The following DGLUCY variants were observed in gnomAD, a reference collection of about 807,000 sequenced individuals.
The protein encoded by DGLUCY is D-glutamate cyclase, mitochondrial.
Under a neutral mutation model 58.5 loss-of-function variants are expected in DGLUCY, and 58 were observed. The observed-to-expected ratio is 0.99, with a 90% confidence interval of 0.80 to 1.23. The LOEUF (loss-of-function observed/expected upper bound fraction) is 1.23. Among genes scored for constraint, DGLUCY ranks in the 50% most tolerant of loss-of-function variants. DGLUCY has a pLI of 0.00. For synonymous variants in DGLUCY, 325 were observed against 314.1 expected, an observed-to-expected ratio of 1.03 and a Z score of -0.37; for missense variants, 779 against 784.7, an observed-to-expected ratio of 0.99 and a Z score of 0.09.
intron 13 of DGLUCY, among the ~76,000 whole-genome samples, chr14:91,222,680 A>G (rs1887692942): frequency 6.6e-6 from 1 of 152,226 alleles, no homozygotes. Context: ...ATTACTTAGA[A>G]AAAGTTAGTG....
intron 1 of DGLUCY, among the ~76,000 whole-genome samples, chr14:91,154,088 T>C (rs1412890322): frequency 6.6e-6 from 1 of 152,136 alleles, no homozygotes; most frequent in Non-Finnish European, 1.5e-5. Context: ...GTATATTTAG[T>C]AAAGACAGGA....
chr14:91,150,160 A>G (rs1273651261), intron 1 of DGLUCY, among the ~76,000 whole-genome samples: 1 of 137,718 alleles, frequency 7.3e-6, no homozygotes, highest in African/African-American at 2.7e-5. Flanking sequence ...TGGAAGTTGC[A>G]GTGAGTGGAG....
chr14:91,195,949 C>A (rs1337178130), intron 9 of DGLUCY, among the ~76,000 whole-genome samples: 1 of 152,146 alleles, frequency 6.6e-6, no homozygotes. Context: ...GAATTACAGG[C>A]ATGAGGCACC....
intron 1 of DGLUCY, among the ~76,000 whole-genome samples, chr14:91,131,281 G>A (rs1308700555): frequency 1.3e-5 from 2 of 152,074 alleles, no homozygotes; most frequent in African/African-American, 2.4e-5. Context: ...TTGCAGTTTG[G>A]GAATGCTTTT....
Position 91,136,095 on chromosome 14 carries a change from C to T in DGLUCY, c.-81-21544C>T, listed in dbSNP as rs918234888. Among the ~76,000 whole-genome samples the T allele has an allele frequency of 8.6e-5, 13 of 151,648 alleles. No individual in the cohort carries two copies. In the East Asian group the frequency reaches 1.2e-3, roughly 14 times the overall value. On this transcript the variant is annotated intron_variant, in intron 1 of 13. Transcript: ENST00000256324. ...GACTACAGGGGCCCGCCACTATGCC[C>T]GGCTAATTTTTGTATTTTTAGTAGA... is the stretch of plus-strand genomic sequence containing the variant.
At chr14:91,182,768 G>A (rs773948260) in intron 8 of DGLUCY, among the ~76,000 whole-genome samples, 2 of 152,154 alleles carry the variant, frequency 1.3e-5, no homozygotes, top group Non-Finnish European at 2.9e-5. Context: ...ACAACAGTTT[G>A]CAGTCAACTT....
At chr14:91,219,807 A>G (rs1887159090) in intron 13 of DGLUCY, among the ~76,000 whole-genome samples, 1 of 152,208 alleles carries the variant, frequency 6.6e-6, no homozygotes. Flanking sequence ...GGTACCTGCA[A>G]GGTCTGATAA....
At chr14:91,100,337 A>G (rs1395482236) in intron 1 of DGLUCY, among the ~76,000 whole-genome samples, 2 of 152,190 alleles carry the variant, frequency 1.3e-5, no homozygotes, top group African/African-American at 4.8e-5. Context: ...TTACCAATTC[A>G]GTAACCTCCT....
At chr14:91,085,795 C>G (rs2044207277) in intron 1 of DGLUCY, among the ~76,000 whole-genome samples, 1 of 152,134 alleles carries the variant, frequency 6.6e-6, no homozygotes, top group African/African-American at 2.4e-5. Flanking sequence ...TCTCGAACTC[C>G]TGACCTTAGG....
chr14:91,181,965 T>TTTTATTTATTTATTTATTTATTTA (rs375449442), intron 8 of DGLUCY, among the ~76,000 whole-genome samples: 15 of 148,694 alleles, frequency 1.0e-4, no homozygotes, highest in African/African-American at 3.7e-4. Context: ...CTTTATGGCT[T>TTTTATTTATTTATTTATTTATTTA]TTTATTTATT....
chr14:91,145,809 C>T (rs973624569), intron 1 of DGLUCY, among the ~76,000 whole-genome samples: 5 of 152,122 alleles, frequency 3.3e-5, no homozygotes, highest in Admixed American at 6.6e-5. Flanking sequence ...CCATGGAGGC[C>T]GAGGTCACAG....
At chr14:91,175,695 C>T (rs1040782747) in intron 6 of DGLUCY, 9 of 400,072 alleles carry the variant, frequency 2.2e-5, no homozygotes, top group East Asian at 2.2e-4. Flanking sequence ...CCAGAAATCA[C>T]GCCACACAGT....
chr14:91,108,524 TGTGAGAGA>T (rs1189536522), intron 1 of DGLUCY, among the ~76,000 whole-genome samples: 21 of 40,582 alleles, frequency 5.2e-4, no homozygotes, highest in Non-Finnish European at 8.8e-4. Flanking sequence ...TGTGTGTGTG[TGTGAGAGA>T]GAGAGAGAGA....
At chr14:91,198,469 C>T (rs533503373) in intron 10 of DGLUCY, among the ~76,000 whole-genome samples, 5 of 151,726 alleles carry the variant, frequency 3.3e-5, no homozygotes, top group Non-Finnish European at 7.4e-5. Flanking sequence ...CTCAGCCTCC[C>T]AAGCATAGCT....
chr14:91,194,750 A>G (rs996527224), intron 9 of DGLUCY, among the ~76,000 whole-genome samples: 8 of 152,186 alleles, frequency 5.3e-5, no homozygotes, highest in Non-Finnish European at 1.2e-4. Flanking sequence ...CACATTGGCC[A>G]GGATGATCTC....
chr14:91,075,183 C>T (rs1271251195), intron 1 of DGLUCY, among the ~76,000 whole-genome samples: 2 of 151,866 alleles, frequency 1.3e-5, no homozygotes, highest in African/African-American at 4.8e-5. Context: ...GTTCATTTTA[C>T]CCTAGTTTCT....
intron 8 of DGLUCY, among the ~76,000 whole-genome samples, chr14:91,188,391 G>T (rs1046616347): frequency 6.6e-6 from 1 of 152,144 alleles, no homozygotes; most frequent in African/African-American, 2.4e-5. Flanking sequence ...TTACCCCTCT[G>T]TCCTTCACTG....
chr14:91,102,736 A>AGTGTGTGTGTGTGTGT lies in DGLUCY; in HGVS notation c.-82+42038_-82+42039insGTGTGTGTGTGTGTGT, dbSNP rs1288611586. ...GGAGGATGCTGCTGGGACCCCTTCC[A>AGTGTGTGTGTGTGTGT]GTGTGTATGTGTGTGTGTGTGTGTG... On this transcript the variant is annotated intron_variant, in intron 1 of 4. Coordinates refer to the DGLUCY transcript ENST00000521334. Among the ~76,000 whole-genome samples, 151 of 60,802 alleles carry AGTGTGTGTGTGTGTGT rather than the reference A, an allele frequency of 2.5e-3. 5 individuals are homozygous for AGTGTGTGTGTGTGTGT. Among genetic ancestry groups the AGTGTGTGTGTGTGTGT allele is most frequent in the East Asian group, 9.3e-3 (15 of 1,608 alleles). The allele number at this position is 60,802 out of a possible 152,430, so 39.9% of individuals were successfully genotyped here.
In DGLUCY at chr14:91,124,681, G is replaced by A. The variant is rs1019986447; in HGVS notation, c.-82+10398G>A. The stretch of plus-strand genomic sequence containing the variant: ...AGAAGCCTTTGTTGTTTGTTCTGAT[G>A]AGATTTTTACCTGCTGTACTTGAGA... On this transcript the variant is annotated intron_variant, in intron 1 of 13. Transcript: ENST00000256324. Among the ~76,000 whole-genome samples, 4 of 152,208 alleles carry A rather than the reference G, an allele frequency of 2.6e-5. 1 individual carries two copies. Among genetic ancestry groups the A allele is most frequent in the Non-Finnish European group, 4.4e-5 (3 of 68,032 alleles).
Sources: gnomAD v4.1 joint callset for allele counts (sites outside exome capture counted in the v4.1 genomes callset) on GRCh38, gnomAD v4.1.1 for gene constraint, MANE v1.5 for transcripts, NCBI Gene and HGNC (gene_info 2026-07-23, HGNC 2026-07-21) for gene names.